The following FLI1 variants were observed in gnomAD, a reference collection of about 807,000 sequenced individuals.
FLI1 encodes the protein Friend leukemia integration 1 transcription factor.
FLI1 carries 13 observed loss-of-function variants against 53.1 expected under a neutral mutation model. The ratio of observed to expected loss-of-function variants is 0.24; its 90% CI spans 0.16 to 0.39. The LOEUF (loss-of-function observed/expected upper bound fraction) is 0.39, where lower values mean the gene tolerates loss of function less well. Among genes scored for constraint, FLI1 ranks in the 10% least tolerant of loss-of-function variants. The pLI, the probability that FLI1 is intolerant of heterozygous loss-of-function variation, is 1.00. For missense variants in FLI1, 424 were observed against 600.5 expected (o/e 0.71, Z 3.07); for synonymous variants, 244 against 236.7 (o/e 1.03, Z -0.28).
At chr11:128,776,228 TGG>T (rs749539021) in intron 4 of FLI1, among the ~76,000 whole-genome samples, 1 of 152,196 alleles carries the variant, frequency 6.6e-6, no homozygotes, top group Non-Finnish European at 1.5e-5. Context: ...TCTTCACACC[TGG>T]GCGTGTCAGC....
At chr11:128,806,714 C>T (rs533220572) in intron 6 of FLI1, 1 of 152,404 alleles carries the variant, frequency 6.6e-6, no homozygotes, top group Non-Finnish European at 1.5e-5. Flanking sequence ...GTGAGAGATA[C>T]CAAGGAGGAA....
intron 1 of FLI1, among the ~76,000 whole-genome samples, chr11:128,741,976 C>T (rs1422852027): frequency 2.0e-5 from 3 of 152,174 alleles, no homozygotes; most frequent in African/African-American, 7.2e-5. Flanking sequence ...TTCCAGAATG[C>T]TTTTGAGGAC....
chr11:128,712,761 A>G (rs1331055840), intron 1 of FLI1, among the ~76,000 whole-genome samples: 1 of 152,178 alleles, frequency 6.6e-6, no homozygotes, highest in Non-Finnish European at 1.5e-5. Context: ...TGTGGGAGTT[A>G]TGGGAGCTTT....
Position 128,760,520 on chromosome 11 carries a change from CTTTTTTT to C in FLI1, c.230+2213_230+2219del, listed in dbSNP as rs1179242159. ...ATCCAGATCCCACTGGTGGAGATTC[CTTTTTTT>C]TTTTTTTTTTTTTTTTTTGAGATGG... On this transcript the variant is annotated intron_variant, in intron 2 of 8. Transcript: ENST00000527786. Among the ~76,000 whole-genome samples, 255 of 103,580 alleles carry C rather than the reference CTTTTTTT, an allele frequency of 2.5e-3. 3 individuals carry two copies. The highest frequency in any genetic ancestry group is 3.0e-3 in the Admixed American group (31 of 10,472). 68.0% of individuals were successfully genotyped at this position (103,580 alleles called of 152,430 possible). A position where few individuals can be genotyped will look rare whatever the true frequency, so the allele number is the denominator to read the frequency against.
At chr11:128,719,539 G>T (rs558111209) in intron 1 of FLI1, among the ~76,000 whole-genome samples, 1 of 152,128 alleles carries the variant, frequency 6.6e-6, no homozygotes, top group Non-Finnish European at 1.5e-5. Context: ...CAAAGACAGC[G>T]AGGGCTCTGC....
intron 1 of FLI1, among the ~76,000 whole-genome samples, chr11:128,700,862 A>C (rs1173070133): frequency 6.6e-6 from 1 of 152,220 alleles, no homozygotes; most frequent in Non-Finnish European, 1.5e-5. Context: ...GACAAAGTGA[A>C]TACCTGCCTC....
intron 5 of FLI1, chr11:128,805,056 AGAG>A (rs1158268788): frequency 3.4e-6 from 1 of 294,398 alleles, no homozygotes; most frequent in Non-Finnish European, 6.2e-6. Flanking sequence ...ATTGAAGCCC[AGAG>A]GAGACTTTTG....
intron 1 of FLI1, among the ~76,000 whole-genome samples, chr11:128,687,403 G>A (rs1002728863): frequency 7.2e-5 from 11 of 152,190 alleles, no homozygotes; most frequent in Non-Finnish European, 1.2e-4. Context: ...CTGCTCATGG[G>A]AGGGGCGGTG....
At chr11:128,806,151 T>C (rs1263078049) in intron 6 of FLI1, 1 of 152,146 alleles carries the variant, frequency 6.6e-6, no homozygotes, top group Non-Finnish European at 1.5e-5. Flanking sequence ...TACAAATTAA[T>C]GCCCAAACAA....
chr11:128,760,616 C>T (rs1031700478), intron 2 of FLI1, among the ~76,000 whole-genome samples: 3 of 151,234 alleles, frequency 2.0e-5, no homozygotes, highest in Non-Finnish European at 4.4e-5. Flanking sequence ...CAACCTCTGC[C>T]TCCCAGGTTC....
chr11:128,690,581 C>T (rs1265164278), upstream of FLI1, among the ~76,000 whole-genome samples: 1 of 152,242 alleles, frequency 6.6e-6, no homozygotes, highest in Non-Finnish European at 1.5e-5. Flanking sequence ...GGAAGCAGGA[C>T]TTCCGCATCT....
chr11:128,720,107 G>C (rs1193315012), intron 1 of FLI1, among the ~76,000 whole-genome samples: 1 of 151,950 alleles, frequency 6.6e-6, no homozygotes, highest in African/African-American at 2.4e-5. Context: ...CCTTCCTTCC[G>C]GTCTTTATAA....
rs375383556 is a variant in FLI1 at position 128,810,942 on chromosome 11, G to A, written c.1313G>A (p.Arg438His). The change falls in exon 9 of 9, where the codon CGC becomes CAC. Residue 438 changes from arginine (R) to histidine (H), a missense_variant. Transcript: ENST00000527786. This position sits in a 1 kb window ranked among gnomAD's most constrained non-coding sequence, Gnocchi z 6.6. ...GGIYPNPNVP[R>H]HPNTHVPSHL... ...ATCTACCCCAACCCCAACGTCCCCC[G>A]CCATCCTAACACCCACGTGCCTTCA... 5.9e-5 allele frequency: 95 copies of A among 1,613,860 alleles called. No homozygotes were observed. Among genetic ancestry groups the A allele is most frequent in the Admixed American group, 3.3e-4 (20 of 60,018 alleles).
At chr11:128,765,979 AGTGTGTCCAT>A (rs1941325616) in intron 2 of FLI1, among the ~76,000 whole-genome samples, 1 of 152,014 alleles carries the variant, frequency 6.6e-6, no homozygotes, top group African/African-American at 2.4e-5. Context: ...TGTGTGTTGA[AGTGTGTCCAT>A]GCATGGGAGT....
At chr11:128,799,963 G>A (rs562128663) in intron 5 of FLI1, among the ~76,000 whole-genome samples, 10 of 152,314 alleles carry the variant, frequency 6.6e-5, no homozygotes, top group African/African-American at 2.2e-4. Flanking sequence ...GTCATAACCT[G>A]TCGGACAGCC....
intron 5 of FLI1, among the ~76,000 whole-genome samples, chr11:128,784,725 A>G (rs992199646): frequency 1.3e-5 from 2 of 152,134 alleles, no homozygotes; most frequent in African/African-American, 4.8e-5. Flanking sequence ...CCCACCTCTC[A>G]CTGGCTCTCC....
chr11:128,686,215 G>C (rs1214099554), upstream of FLI1: 10 of 384,576 alleles, frequency 2.6e-5, no homozygotes, highest in Non-Finnish European at 4.7e-5. Context: ...CTGCAAGAAA[G>C]GGGAGTCCTA....
chr11:128,741,077 C>T (rs1940116157), intron 1 of FLI1, among the ~76,000 whole-genome samples: 1 of 152,218 alleles, frequency 6.6e-6, no homozygotes, highest in South Asian at 2.1e-4. Flanking sequence ...TAAAGGCCCA[C>T]AGTCTGCAAG....
chr11:128,690,953 A>C (rs1477413510), upstream of FLI1, among the ~76,000 whole-genome samples: 4 of 152,134 alleles, frequency 2.6e-5, no homozygotes, highest in Non-Finnish European at 5.9e-5. Flanking sequence ...ATGGTAAGCC[A>C]GGAAAGAGGG....
Sources: gnomAD v4.1 joint callset for allele counts (sites outside exome capture counted in the v4.1 genomes callset) on GRCh38, gnomAD v4.1.1 for gene constraint, Gnocchi (gnomAD v3.1) non-coding constraint, MANE v1.5 for transcripts, NCBI Gene and HGNC (gene_info 2026-07-23, HGNC 2026-07-21) for gene names.